The following CPS1 variants were observed in gnomAD, a reference collection of about 807,000 sequenced individuals.
CPS1 encodes the protein carbamoyl-phosphate synthase 1, also known as carbamoyl-phosphate synthase [ammonia], mitochondrial.
In CPS1, 109 loss-of-function variants were observed where a neutral mutation model predicts 174.6. That is an observed-to-expected ratio of 0.62 (90% CI 0.53 to 0.73). The LOEUF is 0.73. Among genes scored for constraint, CPS1 ranks in the 30% least tolerant of loss-of-function variants. The pLI, the probability that CPS1 is intolerant of heterozygous loss-of-function variation, is 0.00. For missense variants in CPS1, 1,689 were observed against 1,821.9 expected (o/e 0.93, Z 1.33); for synonymous variants, 637 against 632.0 (o/e 1.01, Z -0.12).
At chr2:210,665,248 G>A (rs1474451036) in intron 33 of CPS1, among the ~76,000 whole-genome samples, 2 of 152,064 alleles carry the variant, frequency 1.3e-5, no homozygotes, top group African/African-American at 4.8e-5. Flanking sequence ...ATAGTCATAA[G>A]AACTTTTCTT....
chr2:210,494,640 TA>T (rs926713482), intron 1 of CPS1, among the ~76,000 whole-genome samples: 3 of 151,196 alleles, frequency 2.0e-5, no homozygotes, highest in East Asian at 1.9e-4. Flanking sequence ...CAAAAAATAG[TA>T]AAAAAAATAC....
At chr2:210,484,578 A>G (rs1361473348) in intron 1 of CPS1, among the ~76,000 whole-genome samples, 1 of 152,174 alleles carries the variant, frequency 6.6e-6, no homozygotes, top group Admixed American at 6.6e-5. Flanking sequence ...ACCAACCATC[A>G]GGCCTCCCAG....
intron 1 of CPS1, among the ~76,000 whole-genome samples, chr2:210,567,892 G>A (rs577611560): frequency 2.0e-5 from 3 of 152,256 alleles, no homozygotes; most frequent in Admixed American, 2.0e-4. Context: ...CCAGAAGTCA[G>A]TGAGCATCAA....
chr2:210,566,847 T>C (rs1380816594), intron 1 of CPS1, among the ~76,000 whole-genome samples: 1 of 152,006 alleles, frequency 6.6e-6, no homozygotes, highest in East Asian at 1.9e-4. Context: ...ATTAAGGATG[T>C]CATAGGGAAT....
At chr2:210,588,271 T>G (rs1559091021) in intron 7 of CPS1, 124 bp downstream of exon 7, 1 of 820,228 alleles carries the variant, frequency 1.2e-6, no homozygotes, top group South Asian at 1.4e-5. Context: ...ACATTCTTCT[T>G]GTTGCTTTTG....
chr2:210,502,028 G>T (rs1267064734), intron 1 of CPS1, among the ~76,000 whole-genome samples: 1 of 152,094 alleles, frequency 6.6e-6, no homozygotes, highest in Non-Finnish European at 1.5e-5. Flanking sequence ...CCTCCTCACA[G>T]GGTGGCAGGA....
At chr2:210,553,632 G>A (rs911832276), upstream of CPS1, among the ~76,000 whole-genome samples, 3 of 151,938 alleles carry the variant, frequency 2.0e-5, no homozygotes, top group East Asian at 1.9e-4. Context: ...GCTCAGCTGC[G>A]TGCAGACAGC....
rs574382219 is a variant in CPS1, at chr2:210,628,559, T to TAGG, written c.2688-9139_2688-9137dup. Among the ~76,000 whole-genome samples, 6 of 152,332 alleles carry TAGG rather than the reference T, an allele frequency of 3.9e-5. No individual in the cohort carries two copies. In the East Asian group the frequency reaches 9.6e-4, roughly 24 times the overall value. On this transcript the variant is annotated intron_variant, in intron 21 of 37. Coordinates refer to ENST00000233072, the MANE Select transcript of CPS1 (RefSeq NM_001875.5). ...AGTAGATAGGCTTCTGTTAAGTTTT[T>TAGG]AGGAGGCTGAGACAGGCAGATCACA...
Position 210,602,263 on chromosome 2 carries a change from A to G in CPS1, c.1769A>G (p.Tyr590Cys). The change falls in exon 16 of 38, where the codon TAT (tyrosine) becomes TGT (cysteine). Residue 590 changes from tyrosine (Y) to cysteine (C), a missense_variant. Physicochemically the swap from Tyr to Cys is radical, Grantham distance 194. Coordinates refer to ENST00000233072, the MANE Select transcript of CPS1 (RefSeq NM_001875.5). The part of the protein sequence containing the change: ...IGYPVMIRSA[Y>C]ALGGLGSGIC... ...TACCCAGTGATGATCCGTTCCGCCTATGCACTGGGTGGGTTAGGCTCAGGC... is the reference window on the plus strand; with the variant it reads ...TACCCAGTGATGATCCGTTCCGCCTGTGCACTGGGTGGGTTAGGCTCAGGC... The G allele has an allele frequency of 6.2e-7, 1 of 1,612,582 alleles. No homozygotes were observed. Among genetic ancestry groups the G allele is most frequent in the Non-Finnish European group, 8.5e-7 (1 of 1,179,072 alleles).
At chr2:210,616,236 A>G (rs993846925) in intron 20 of CPS1, among the ~76,000 whole-genome samples, 187 bp from the exon 21 acceptor site, 1 of 151,984 alleles carries the variant, frequency 6.6e-6, no homozygotes. Flanking sequence ...ATTTGTGGAT[A>G]TAGTTGGCAC....
Position 210,606,898 on chromosome 2 carries a change from G to A in CPS1, c.2149G>A (p.Ala717Thr). ...GGAATACTGCATCATTGAAGTGAATGCCAGACTGTCCCGAAGCTCTGCTCT... is the reference window on the plus strand; with the variant it reads ...GGAATACTGCATCATTGAAGTGAATACCAGACTGTCCCGAAGCTCTGCTCT... ...SMEYCIIEVN[A>T]RLSRSSALAS... Residue 717 changes from alanine (A) to threonine (T), a missense_variant, in exon 18 of 38, where the codon GCC (alanine) becomes ACC (threonine). By Grantham distance (58) the Ala-to-Thr change is moderately conservative. Transcript: ENST00000233072. 6.2e-7 allele frequency: 1 copy of A among 1,612,570 alleles called. No individual in the cohort carries two copies. The highest frequency in any genetic ancestry group is 8.5e-7 in the Non-Finnish European group (1 of 1,179,060).
chr2:210,610,677 C>A (rs1574589649), intron 19 of CPS1, among the ~76,000 whole-genome samples: 1 of 151,754 alleles, frequency 6.6e-6, no homozygotes, highest in Admixed American at 6.6e-5. Flanking sequence ...ACGACTTGAG[C>A]CCAGGGGGTC....
At chr2:210,593,769 T>C (rs1319569722) in intron 11 of CPS1, 23 of 632,448 alleles carry the variant, frequency 3.6e-5, no homozygotes, top group Non-Finnish European at 4.3e-5. Flanking sequence ...TATTTTGTTC[T>C]TGTTTTAATA....
At chr2:210,496,147 C>T (rs530187694) in intron 1 of CPS1, among the ~76,000 whole-genome samples, 19 of 151,726 alleles carry the variant, frequency 1.3e-4, no homozygotes, top group African/African-American at 4.6e-4. Flanking sequence ...AAACTTCCAC[C>T]TAGCAGGGGC....
chr2:210,673,889 C>T (rs1432119443), intron 34 of CPS1: 4 of 151,444 alleles, frequency 2.6e-5, no homozygotes, highest in South Asian at 2.1e-4. Flanking sequence ...AGGTGTGGAG[C>T]CTCAAAAAAA....
chr2:210,623,066 AC>A (rs1699582309), intron 21 of CPS1, among the ~76,000 whole-genome samples: 1 of 152,150 alleles, frequency 6.6e-6, no homozygotes, highest in African/African-American at 2.4e-5. Flanking sequence ...CTTTTGCTAT[AC>A]CATGTTAAAT....
At chr2:210,580,264 C>T (rs1697876165) in intron 5 of CPS1, among the ~76,000 whole-genome samples, 1 of 151,996 alleles carries the variant, frequency 6.6e-6, no homozygotes, top group African/African-American at 2.4e-5. Context: ...CCAAATAAGC[C>T]TTGCATGCAT....
intron 32 of CPS1, among the ~76,000 whole-genome samples, chr2:210,661,443 C>T (rs1700918904): frequency 6.6e-6 from 1 of 152,084 alleles, no homozygotes; most frequent in African/African-American, 2.4e-5. Flanking sequence ...GTAAAATTGA[C>T]AAATTTCTGA....
intron 1 of CPS1, among the ~76,000 whole-genome samples, chr2:210,547,128 A>T (rs1298380960): frequency 6.6e-6 from 1 of 152,152 alleles, no homozygotes; most frequent in African/African-American, 2.4e-5. Context: ...TGAGCCAAAG[A>T]ATTTACATAT....
Sources: allele counts gnomAD v4.1 joint callset (sites outside exome capture counted in the v4.1 genomes callset), GRCh38; gene constraint gnomAD v4.1.1; transcripts MANE v1.5; gene names NCBI Gene and HGNC (gene_info 2026-07-23, HGNC 2026-07-21).